CPXM2: variants seen among roughly 807,000 people sequenced by gnomAD.
CPXM2 encodes inactive carboxypeptidase-like protein X2.
Under a neutral mutation model 86.1 loss-of-function variants are expected in CPXM2, and 66 were observed. The ratio of observed to expected loss-of-function variants is 0.77; its 90% CI spans 0.63 to 0.94. The LOEUF (loss-of-function observed/expected upper bound fraction) is 0.94. Ranked by LOEUF, CPXM2 falls within the 40% of genes least tolerant of loss-of-function variation. The probability of loss-of-function intolerance (pLI) is 0.00; values close to 1 mark genes in which losing one functional copy is unlikely to be tolerated. For missense variants in CPXM2, 948 were observed against 1,026.3 expected (o/e 0.92, Z 1.04); for synonymous variants, 388 against 400.2 (o/e 0.97, Z 0.36).
chr10:123,792,442 G>A (rs1251323360), intron 6 of CPXM2, among the ~76,000 whole-genome samples: 1 of 152,140 alleles, frequency 6.6e-6, no homozygotes, highest in African/African-American at 2.4e-5. Flanking sequence ...AACGCAAGGC[G>A]CCAGCTAGCC....
At chr10:123,881,575 G>T (rs1224063351) in intron 1 of CPXM2, among the ~76,000 whole-genome samples, 1 of 152,210 alleles carries the variant, frequency 6.6e-6, no homozygotes, top group Non-Finnish European at 1.5e-5. Context: ...ACACAGGGTT[G>T]TCCTGACTTG....
At chr10:123,929,655 A>G (rs1233625063) in intron 2 of CPXM2, among the ~76,000 whole-genome samples, 1 of 99,196 alleles carries the variant, frequency 1.0e-5, no homozygotes, top group South Asian at 3.4e-4. Flanking sequence ...CCTCACCCCC[A>G]CTATTCCTGC....
chr10:123,848,299 G>T (rs1189308913), intron 3 of CPXM2, among the ~76,000 whole-genome samples: 2 of 152,172 alleles, frequency 1.3e-5, no homozygotes. Context: ...GGTGCAATCT[G>T]CTGATCCTTC....
At chr10:123,862,267 C>T (rs531697041) in intron 3 of CPXM2, among the ~76,000 whole-genome samples, 5 of 152,308 alleles carry the variant, frequency 3.3e-5, no homozygotes, top group Admixed American at 1.3e-4. Context: ...GCCACTGCCT[C>T]GTGTGCCACG....
chr10:123,908,349 A>G (rs1321313344), intron 2 of CPXM2, among the ~76,000 whole-genome samples: 1 of 152,172 alleles, frequency 6.6e-6, no homozygotes, highest in African/African-American at 2.4e-5. Flanking sequence ...GCTATTGACA[A>G]GAGACTCTCT....
intron 3 of CPXM2, among the ~76,000 whole-genome samples, chr10:123,846,128 G>C (rs1178803913): frequency 6.6e-6 from 1 of 152,118 alleles, no homozygotes; most frequent in Non-Finnish European, 1.5e-5. Context: ...ACCATCTGGG[G>C]GTGGGGGATG....
chr10:123,943,378 G>A (rs1180960664), upstream of CPXM2, among the ~76,000 whole-genome samples: 1 of 152,172 alleles, frequency 6.6e-6, no homozygotes, highest in African/African-American at 2.4e-5. Flanking sequence ...CAAAATGTAT[G>A]GACACAAACA....
At chr10:123,890,878 G>A (rs1402256888) in intron 1 of CPXM2, among the ~76,000 whole-genome samples, 1 of 152,148 alleles carries the variant, frequency 6.6e-6, no homozygotes, top group East Asian at 1.9e-4. Context: ...TGGGAAGGAG[G>A]GAGCTGAGAA....
chr10:123,837,466 T>C (rs1848303778), intron 4 of CPXM2, among the ~76,000 whole-genome samples: 1 of 152,238 alleles, frequency 6.6e-6, no homozygotes, highest in Non-Finnish European at 1.5e-5. Flanking sequence ...TACTTCAAAC[T>C]GCCTGTATTT....
intron 6 of CPXM2, among the ~76,000 whole-genome samples, chr10:123,783,296 T>C (rs76858946): frequency 0.026 from 4,012 of 152,358 alleles, 172 homozygotes; most frequent in African/African-American, 0.091. Context: ...GGATTCATCT[T>C]GAATTCTTTC....
intron 2 of CPXM2, among the ~76,000 whole-genome samples, chr10:123,939,137 T>C (rs144543427): frequency 6.7e-4 from 102 of 152,282 alleles, no homozygotes; most frequent in Middle Eastern, 3.4e-3. Flanking sequence ...ATTAAACTTG[T>C]CCCTCAGACC....
chr10:123,860,955 G>A (rs977045896), intron 3 of CPXM2, among the ~76,000 whole-genome samples: 9 of 152,154 alleles, frequency 5.9e-5, no homozygotes, highest in Non-Finnish European at 1.0e-4. Context: ...GAAAAGTGGC[G>A]GAGGTTAAGC....
intron 2 of CPXM2, among the ~76,000 whole-genome samples, chr10:123,905,916 C>T (rs1045368245): frequency 6.6e-6 from 1 of 152,148 alleles, no homozygotes. Flanking sequence ...CACCTTGAGG[C>T]TGATGTCCAG....
intron 4 of CPXM2, among the ~76,000 whole-genome samples, chr10:123,824,053 C>T (rs1847990712): frequency 6.6e-6 from 1 of 152,196 alleles, no homozygotes; most frequent in Non-Finnish European, 1.5e-5. Flanking sequence ...CCAATGCATG[C>T]AAGGATTGTG....
At chr10:123,796,654 T>C (rs74889097) in intron 6 of CPXM2, among the ~76,000 whole-genome samples, 81 of 152,318 alleles carry the variant, frequency 5.3e-4, no homozygotes, top group Middle Eastern at 3.4e-3. Flanking sequence ...ACCTTCAGTA[T>C]GCTTCAAAAA....
In CPXM2 at chr10:123,907,012, G is replaced by A. The variant is rs77904999; in HGVS notation, n.175-26703C>T. On this transcript the variant is annotated intron_variant and non_coding_transcript_variant, in intron 2 of 19. Transcript: ENST00000368854. ...TCTGAAGTTCACCTAAAGGATTTAC[G>A]AGTTTCTGCCCTACAAGTTTGATGC... Among the ~76,000 whole-genome samples, 605 of 152,308 alleles carry A rather than the reference G, an allele frequency of 4.0e-3. 1 individual carries two copies. Among genetic ancestry groups the A allele is most frequent in the Middle Eastern group, 6.8e-3 (2 of 294 alleles).
At chr10:123,882,874 A>G (rs920481788) in intron 1 of CPXM2, among the ~76,000 whole-genome samples, 2 of 142,500 alleles carry the variant, frequency 1.4e-5, no homozygotes, top group African/African-American at 2.6e-5. Flanking sequence ...CCCACACTAC[A>G]ACACCATGGC....
At chr10:123,752,034 A>C (rs552640340) in intron 13 of CPXM2, 12 of 985,240 alleles carry the variant, frequency 1.2e-5, no homozygotes, top group Non-Finnish European at 1.4e-5. Context: ...ATTTTCTCAC[A>C]TTGCATACAA....
chr10:123,852,647 G>A (rs1032974667), intron 3 of CPXM2, among the ~76,000 whole-genome samples: 2 of 152,162 alleles, frequency 1.3e-5, no homozygotes, highest in African/African-American at 4.8e-5. Flanking sequence ...GGGGCCTGCA[G>A]GCCTCCTATT....
Sources: gnomAD v4.1 joint callset for allele counts (sites outside exome capture counted in the v4.1 genomes callset) on GRCh38, gnomAD v4.1.1 for gene constraint, MANE v1.5 for transcripts, NCBI Gene and HGNC (gene_info 2026-07-23, HGNC 2026-07-21) for gene names.